Variants in RBFOX3 observed in about 807,000 individuals in gnomAD.
RBFOX3 encodes the protein RNA binding protein fox-1 homolog 3.
A neutral mutation model predicts 48.7 loss-of-function variants in RBFOX3; 17 were observed. The ratio of observed to expected loss-of-function variants is 0.35; its 90% CI spans 0.24 to 0.52. The LOEUF is 0.52. Among genes scored for constraint, RBFOX3 ranks in the 20% least tolerant of loss-of-function variants. The pLI, the probability that RBFOX3 is intolerant of heterozygous loss-of-function variation, is 0.94. For missense variants in RBFOX3, 382 were observed against 497.5 expected (o/e 0.77, Z 2.21); for synonymous variants, 212 against 209.5 (o/e 1.01, Z -0.10).
At chr17:79,397,609 G>A (rs773030760) in intron 2 of RBFOX3, among the ~76,000 whole-genome samples, 2 of 149,438 alleles carry the variant, frequency 1.3e-5, no homozygotes, top group African/African-American at 2.4e-5. Context: ...TAAGCTTCGG[G>A]CCAGGTGAGC....
chr17:79,240,935 A>C (rs1372744724), intron 3 of RBFOX3, among the ~76,000 whole-genome samples: 1 of 151,360 alleles, frequency 6.6e-6, no homozygotes, highest in Non-Finnish European at 1.5e-5. Context: ...AAGTGCTGGG[A>C]TTACAGGCAT....
At chr17:79,533,735 G>A (rs1555788038) in intron 1 of RBFOX3, among the ~76,000 whole-genome samples, 2 of 152,228 alleles carry the variant, frequency 1.3e-5, no homozygotes, top group African/African-American at 4.8e-5. Context: ...GAGAGTCTGA[G>A]CAGCCTCTAG....
intron 4 of RBFOX3, among the ~76,000 whole-genome samples, chr17:79,193,151 G>C (rs897557274): frequency 1.3e-5 from 2 of 152,228 alleles, no homozygotes; most frequent in Admixed American, 1.3e-4. Flanking sequence ...ATGCCGGCAT[G>C]GCTGCCGTTT....
Position 79,392,078 on chromosome 17 carries a change from T to C in RBFOX3, c.-174-84254A>G, listed in dbSNP as rs1337215003. ...AGGGTTCCCATAGTGCCCGGGCACT[T>C]CGGACCCGCTGCGGGACCTTGGGCA... On this transcript the variant is annotated intron_variant, in intron 2 of 14. Transcript: ENST00000693108. This position sits in a 1 kb window ranked among gnomAD's most constrained non-coding sequence, Gnocchi z 5.0. Among the ~76,000 whole-genome samples the C allele has an allele frequency of 6.6e-6, 1 of 152,186 alleles. No homozygotes were observed. The highest frequency in any genetic ancestry group is 1.5e-5 in the Non-Finnish European group (1 of 68,036).
chr17:79,633,445 G>A, the RBFOX3 span, among the ~76,000 whole-genome samples: 20 of 152,226 alleles, frequency 1.3e-4, no homozygotes, highest in African/African-American at 4.8e-4. Context: ...AGGGAGGTGG[G>A]CTGGGTGGGC....
rs928271462 is a variant in RBFOX3 at position 79,391,385 on chromosome 17, G to A, written c.-174-83561C>T. 2.4e-4 allele frequency among the ~76,000 whole-genome samples: 37 copies of A among 152,090 alleles called. No homozygotes were observed. Among genetic ancestry groups the A allele is most frequent in the Non-Finnish European group, 2.5e-4 (17 of 68,024 alleles). On this transcript the variant is annotated intron_variant, in intron 2 of 14. Transcript: ENST00000693108. This position sits in a 1 kb window ranked among gnomAD's most constrained non-coding sequence, Gnocchi z 5.0. ...TTCAAGCTTCAGCTCTCCTTCCCAC[G>A]ATTGGTGAACACTCGGGCAGGTTAC...
intron 3 of RBFOX3, among the ~76,000 whole-genome samples, chr17:79,253,074 C>T (rs150517412): frequency 3.3e-5 from 5 of 152,170 alleles, no homozygotes; most frequent in Admixed American, 6.5e-5. Context: ...GAACAAGCAA[C>T]GCTTGACAAG....
At chr17:79,528,265 G>A (rs1486261033) in intron 1 of RBFOX3, among the ~76,000 whole-genome samples, 1 of 151,582 alleles carries the variant, frequency 6.6e-6, no homozygotes, top group Non-Finnish European at 1.5e-5. Context: ...AGGTACCTCT[G>A]AGTAGGATCT....
chr17:79,230,851 C>T (rs1600132106), intron 4 of RBFOX3, among the ~76,000 whole-genome samples: 1 of 152,118 alleles, frequency 6.6e-6, no homozygotes, highest in Non-Finnish European at 1.5e-5. Context: ...AGCAGCCGGG[C>T]AGTTACTGCA....
At chr17:79,225,395 A>T (rs1472957666) in intron 4 of RBFOX3, among the ~76,000 whole-genome samples, 1 of 150,338 alleles carries the variant, frequency 6.7e-6, no homozygotes. Flanking sequence ...GGTTCAAGCG[A>T]TTCTCATGTC....
At position 79,189,360 on chromosome 17, in the gene RBFOX3, T is replaced by C. The variant is rs116768208; in HGVS notation, c.-34+46406A>G. On this transcript the variant is annotated intron_variant, in intron 4 of 14. Coordinates refer to ENST00000693108, the MANE Select transcript of RBFOX3 (RefSeq NM_001350451.2). ...GAAGGCAAGACTTGGAACTTGGATTTATGGGAGCCCTTTTCTTCCCTTCGA... is the reference window on the plus strand; with the variant it reads ...GAAGGCAAGACTTGGAACTTGGATTCATGGGAGCCCTTTTCTTCCCTTCGA... Among the ~76,000 whole-genome samples the C allele has an allele frequency of 2.5e-3, 382 of 152,300 alleles. 7 individuals carry two copies. Among genetic ancestry groups the C allele is most frequent in the African/African-American group, 8.7e-3 (363 of 41,560 alleles).
At chr17:79,470,195 A>G (rs962000836) in intron 2 of RBFOX3, among the ~76,000 whole-genome samples, 19 of 152,184 alleles carry the variant, frequency 1.2e-4, no homozygotes, top group African/African-American at 4.6e-4. Context: ...TGTGTGCTTC[A>G]ATATCACCTG....
At chr17:79,639,344 T>TTTTTGGTA in the RBFOX3 span, among the ~76,000 whole-genome samples, 6 of 151,920 alleles carry the variant, frequency 3.9e-5, no homozygotes, top group Non-Finnish European at 5.9e-5. Context: ...CCGGCTAATT[T>TTTTTGGTA]TTTTGGTATT....
intron 2 of RBFOX3, among the ~76,000 whole-genome samples, chr17:79,430,171 G>A (rs2068155731): frequency 6.6e-6 from 1 of 152,126 alleles, no homozygotes; most frequent in Non-Finnish European, 1.5e-5. Flanking sequence ...CAGAGAAAAG[G>A]TGTTTGATTT....
intron 4 of RBFOX3, among the ~76,000 whole-genome samples, chr17:79,231,273 G>A (rs866646602): frequency 1.4e-4 from 22 of 152,298 alleles, no homozygotes; most frequent in African/African-American, 5.3e-4. Context: ...CACAAGCTTT[G>A]GAGAAAACCA....
In RBFOX3 at chr17:79,089,863, C is replaced by T. The variant is rs2146053432; in HGVS notation, c.*1020G>A. ...CAGGGAAGGGGCCGGCCCAGGCTTC[C>T]CCATCCCTTGCCCTTCCCATGGGCC... On this transcript the variant is annotated 3_prime_UTR_variant, in exon 15 of 15. Coordinates refer to ENST00000693108, the MANE Select transcript of RBFOX3 (RefSeq NM_001350451.2). 6.6e-6 allele frequency: 1 copy of T among 152,606 alleles called. No individual in the cohort carries two copies. Among genetic ancestry groups the T allele is most frequent in the South Asian group, 2.1e-4 (1 of 4,832 alleles). The allele number at this position is 152,606 out of a possible 1,614,324, so 9.5% of individuals were successfully genotyped here.
intron 4 of RBFOX3, 153 bp downstream of exon 4, chr17:79,235,613 A>G (rs1391879633): frequency 3.3e-5 from 5 of 153,396 alleles, no homozygotes; most frequent in African/African-American, 1.2e-4. Context: ...AAACGGCGCC[A>G]AGCCTTCCCT....
intron 1 of RBFOX3, among the ~76,000 whole-genome samples, chr17:79,500,767 G>C (rs1042619864): frequency 6.6e-6 from 1 of 152,182 alleles, no homozygotes; most frequent in Non-Finnish European, 1.5e-5. Context: ...TTCCCTGCCT[G>C]CAGCCCCTGC....
intron 5 of RBFOX3, among the ~76,000 whole-genome samples, chr17:79,109,967 T>C (rs2030275840): frequency 6.6e-6 from 1 of 152,002 alleles, no homozygotes; most frequent in Non-Finnish European, 1.5e-5. Context: ...AGAGGCTAAG[T>C]GGGTTCAATG....
Sources: allele counts gnomAD v4.1 joint callset (sites outside exome capture counted in the v4.1 genomes callset), GRCh38; gene constraint gnomAD v4.1.1; non-coding constraint Gnocchi (gnomAD v3.1); transcripts MANE v1.5; gene names NCBI Gene and HGNC (gene_info 2026-07-23, HGNC 2026-07-21).